SNRPN: variants seen among roughly 807,000 people sequenced by gnomAD.
SNRPN encodes the protein small nuclear ribonucleoprotein polypeptide N.
SNRPN carries 7 observed loss-of-function variants against 25.2 expected under a neutral mutation model. The ratio of observed to expected loss-of-function variants is 0.28; its 90% CI spans 0.16 to 0.52. SNRPN has a LOEUF of 0.52. SNRPN is among the 20% of genes least tolerant of loss of function. SNRPN has a pLI of 0.96. For missense variants in SNRPN, 196 were observed against 322.5 expected (o/e 0.61, Z 3.00); for synonymous variants, 124 against 110.6 (o/e 1.12, Z -0.76).
At chr15:24,829,373 C>T (rs1247089171) in intron 1 of SNRPN, among the ~76,000 whole-genome samples, 3 of 151,970 alleles carry the variant, frequency 2.0e-5, no homozygotes, top group Admixed American at 6.6e-5. Flanking sequence ...AGCAGTGAGT[C>T]CAGCAAACAG....
At chr15:24,892,971 G>T (rs2057794369) in intron 2 of SNRPN, among the ~76,000 whole-genome samples, 2 of 151,018 alleles carry the variant, frequency 1.3e-5, no homozygotes, top group South Asian at 4.2e-4. Flanking sequence ...CACTTTGGGA[G>T]GCTGAGGCAG....
At chr15:24,847,153 T>C (rs2052275479) in intron 2 of SNRPN, among the ~76,000 whole-genome samples, 1 of 152,106 alleles carries the variant, frequency 6.6e-6, no homozygotes, top group Admixed American at 6.6e-5. Flanking sequence ...ATGCCTTAAT[T>C]TCACCTTACC....
At chr15:24,912,181 C>A (rs2059259621) in intron 2 of SNRPN, among the ~76,000 whole-genome samples, 1 of 152,186 alleles carries the variant, frequency 6.6e-6, no homozygotes, top group South Asian at 2.1e-4. Context: ...TGGGGTCGAG[C>A]TATGTCACCC....
intron 1 of SNRPN, among the ~76,000 whole-genome samples, chr15:24,866,812 T>G (rs1266276455): frequency 6.6e-6 from 1 of 152,184 alleles, no homozygotes; most frequent in Admixed American, 6.5e-5. Context: ...GCTTAACATT[T>G]CAGTTAACAT....
chr15:24,970,288 CTATT>C (rs2076234292), intron 3 of SNRPN, among the ~76,000 whole-genome samples: 1 of 152,076 alleles, frequency 6.6e-6, no homozygotes, highest in Non-Finnish European at 1.5e-5. Context: ...AGAAAATAAA[CTATT>C]AATGTGGCCG....
intron 1 of SNRPN, among the ~76,000 whole-genome samples, chr15:24,869,582 A>G (rs1370661417): frequency 6.6e-6 from 1 of 151,942 alleles, no homozygotes; most frequent in Non-Finnish European, 1.5e-5. Flanking sequence ...TTTCTCTGAC[A>G]TTTTTCTCAT....
intron 2 of SNRPN, among the ~76,000 whole-genome samples, chr15:24,891,664 C>G (rs996226064): frequency 1.3e-5 from 2 of 152,146 alleles, no homozygotes; most frequent in African/African-American, 4.8e-5. Flanking sequence ...TTTCCAACTC[C>G]TGACCTCAGG....
chr15:24,942,087 G>C (rs1175749588), intron 3 of SNRPN, among the ~76,000 whole-genome samples: 1 of 152,126 alleles, frequency 6.6e-6, no homozygotes, highest in East Asian at 1.9e-4. Flanking sequence ...CTAGATGGCA[G>C]TCCTAACTTC....
At chr15:24,961,662 T>A (rs940175950) in intron 1 of SNRPN, among the ~76,000 whole-genome samples, 2 of 152,200 alleles carry the variant, frequency 1.3e-5, no homozygotes, top group African/African-American at 2.4e-5. Context: ...AAAGTAGATA[T>A]TTTATAATTT....
At chr15:24,954,844 C>G, upstream of SNRPN, 1 of 689,060 alleles carries the variant, frequency 1.5e-6, no homozygotes, top group Non-Finnish European at 2.5e-6. Flanking sequence ...AGCCCCCTCC[C>G]CCCAGGTCAT....
intron 3 of SNRPN, among the ~76,000 whole-genome samples, chr15:24,973,316 TTGTG>T (rs2076671340): frequency 6.6e-6 from 1 of 152,226 alleles, no homozygotes. Flanking sequence ...TCCTCTAGGT[TTGTG>T]TAAGTACACT....
intron 2 of SNRPN, among the ~76,000 whole-genome samples, chr15:24,900,956 A>G (rs2058405585): frequency 6.6e-6 from 1 of 152,124 alleles, no homozygotes; most frequent in Admixed American, 6.6e-5. Flanking sequence ...TAAATAATCC[A>G]GTGAGAGTGG....
Position 24,919,258 on chromosome 15 carries a change from T to G in SNRPN, c.-504-753T>G, listed in dbSNP as rs560489285. On this transcript the variant is annotated intron_variant, in intron 2 of 11. Coordinates refer to the SNRPN transcript ENST00000400097. ...TCCTGGCTAACACGGTGAAACCCCG[T>G]CTCTACTAAAAATACACAAAAAATT... Among the ~76,000 whole-genome samples the G allele has an allele frequency of 6.0e-5, 9 of 151,168 alleles. No homozygotes were observed. In the South Asian group the frequency reaches 1.3e-3, roughly 21 times the overall value.
intron 2 of SNRPN, among the ~76,000 whole-genome samples, chr15:24,848,086 G>A (rs1204546944): frequency 6.6e-6 from 1 of 151,930 alleles, no homozygotes; most frequent in Non-Finnish European, 1.5e-5. Flanking sequence ...CTGGTCCCCC[G>A]CGATTCTGAG....
At chr15:24,958,068 C>A (rs952260779) in intron 1 of SNRPN, among the ~76,000 whole-genome samples, 1 of 152,144 alleles carries the variant, frequency 6.6e-6, no homozygotes, top group Non-Finnish European at 1.5e-5. Context: ...TGGATTTATT[C>A]ACAGACCTTG....
chr15:24,897,664 T>C (rs2151173539), intron 2 of SNRPN, among the ~76,000 whole-genome samples: 1 of 152,310 alleles, frequency 6.6e-6, no homozygotes, highest in Non-Finnish European at 1.5e-5. Flanking sequence ...GTGGAGATAA[T>C]TGAAACATGG....
At chr15:24,826,471 A>G (rs61994671) in intron 1 of SNRPN, among the ~76,000 whole-genome samples, 1 of 151,956 alleles carries the variant, frequency 6.6e-6, no homozygotes, top group African/African-American at 2.4e-5. Flanking sequence ...ATTCCACGTA[A>G]TTTACCCATT....
chr15:24,883,482 C>T (rs2056921833), intron 1 of SNRPN, among the ~76,000 whole-genome samples: 1 of 152,024 alleles, frequency 6.6e-6, no homozygotes, highest in Admixed American at 6.6e-5. Context: ...AACAAACACA[C>T]TCCACTCTTG....
At chr15:24,908,044 C>T (rs71461570) in intron 2 of SNRPN, among the ~76,000 whole-genome samples, 9,028 of 97,242 alleles carry the variant, frequency 0.093, 537 homozygotes, top group East Asian at 0.35. Flanking sequence ...CAGAGCTAGA[C>T]TCCATCTCAA....
Sources: gnomAD v4.1 joint callset for allele counts (sites outside exome capture counted in the v4.1 genomes callset) on GRCh38, gnomAD v4.1.1 for gene constraint, MANE v1.5 for transcripts, NCBI Gene and HGNC (gene_info 2026-07-23, HGNC 2026-07-21) for gene names.